The following INVS variants were observed in gnomAD, a reference collection of about 807,000 sequenced individuals.
The protein encoded by INVS is inversin.
In INVS, 86 loss-of-function variants were observed where a neutral mutation model predicts 108.8. The observed-to-expected ratio is 0.79, with a 90% confidence interval of 0.66 to 0.95. INVS has a LOEUF of 0.95. Ranked by LOEUF, INVS falls within the 40% of genes least tolerant of loss-of-function variation. INVS has a pLI of 0.00. For missense variants in INVS, 1,169 were observed against 1,297.4 expected, an observed-to-expected ratio of 0.90 and a Z score of 1.52; for synonymous variants, 455 against 473.5, an observed-to-expected ratio of 0.96 and a Z score of 0.51.
intron 3 of INVS, among the ~76,000 whole-genome samples, chr9:100,203,615 G>T (rs563745020): frequency 1.3e-5 from 2 of 148,464 alleles, no homozygotes; most frequent in South Asian, 4.2e-4. Flanking sequence ...CGATTCTCCT[G>T]CCTCAGCCTT....
At chr9:100,228,278 A>T (rs1831398660) in intron 4 of INVS, among the ~76,000 whole-genome samples, 2 of 152,238 alleles carry the variant, frequency 1.3e-5, no homozygotes, top group Admixed American at 1.3e-4. Flanking sequence ...GGCATGAGCC[A>T]CTGCGCCCAG....
intron 3 of INVS, among the ~76,000 whole-genome samples, chr9:100,180,731 A>G (rs999553825): frequency 2.6e-5 from 4 of 152,198 alleles, no homozygotes; most frequent in Admixed American, 1.3e-4. Context: ...TCCTTCTGAA[A>G]CCATTCCAAT....
At chr9:100,164,821 T>G (rs1405983722) in intron 3 of INVS, among the ~76,000 whole-genome samples, 1 of 152,098 alleles carries the variant, frequency 6.6e-6, no homozygotes, top group East Asian at 1.9e-4. Context: ...CTATATATTG[T>G]GATTGGCTGA....
intron 3 of INVS, among the ~76,000 whole-genome samples, chr9:100,131,056 A>G (rs1265042109): frequency 6.6e-6 from 1 of 152,084 alleles, no homozygotes; most frequent in African/African-American, 2.4e-5. Flanking sequence ...TCTTGGGTTC[A>G]TTAGTGGGAA....
At chr9:100,220,655 C>T (rs1831118806) in intron 3 of INVS, among the ~76,000 whole-genome samples, 1 of 152,166 alleles carries the variant, frequency 6.6e-6, no homozygotes, top group Admixed American at 6.5e-5. Context: ...ACAAACCGTC[C>T]TCCAAACAGG....
chr9:100,269,553 T>A lies in INVS; in HGVS notation c.1572-3311T>A, dbSNP rs75202444. On this transcript the variant is annotated intron_variant, in intron 11 of 16. Coordinates refer to ENST00000262457, the MANE Select transcript of INVS (RefSeq NM_014425.5). ...CCCAAACTCAGTTTCCTTACTAAAGTGATCAAAATACTCCTATAGTGAAAA... is the reference window on the plus strand; with the variant it reads ...CCCAAACTCAGTTTCCTTACTAAAGAGATCAAAATACTCCTATAGTGAAAA... Among the ~76,000 whole-genome samples the A allele has an allele frequency of 2.9e-3, 438 of 152,312 alleles. 2 individuals carry two copies. The highest frequency in any genetic ancestry group is 0.01 in the African/African-American group (418 of 41,566).
rs185319296 is a variant in INVS at position 100,284,675 on chromosome 9, C to T, written c.2068+72C>T. ...GCTTTTTTGATTGGTGTATTTAGAC[C>T]AATTACACTTAAGATAATTGTTATA... is the stretch of plus-strand genomic sequence containing the variant. On this transcript the variant is annotated intron_variant, in intron 13 of 16. Coordinates refer to ENST00000262457, the MANE Select transcript of INVS (RefSeq NM_014425.5). 5.4e-6 allele frequency: 8 copies of T among 1,473,090 alleles called. No individual in the cohort carries two copies. In the East Asian group the frequency reaches 1.6e-4, roughly 30 times the overall value. 91.3% of individuals were successfully genotyped at this position (1,473,090 alleles called of 1,614,324 possible).
intron 3 of INVS, among the ~76,000 whole-genome samples, chr9:100,180,588 G>C (rs969162696): frequency 6.6e-6 from 1 of 152,060 alleles, no homozygotes; most frequent in Non-Finnish European, 1.5e-5. Flanking sequence ...GGAAGAAGTC[G>C]AATCCCTGAA....
intron 3 of INVS, among the ~76,000 whole-genome samples, chr9:100,197,326 A>G (rs1830407921): frequency 6.6e-6 from 1 of 152,238 alleles, no homozygotes; most frequent in South Asian, 2.1e-4. Context: ...CAATCCCAGC[A>G]CTTTGGGAGG....
chr9:100,146,491 T>C (rs889339737), intron 3 of INVS, among the ~76,000 whole-genome samples: 2 of 152,194 alleles, frequency 1.3e-5, no homozygotes, highest in African/African-American at 4.8e-5. Context: ...ACAGGAGATA[T>C]GATGGCTTAG....
At chr9:100,157,410 G>A (rs56081149) in intron 3 of INVS, among the ~76,000 whole-genome samples, 8,693 of 151,540 alleles carry the variant, frequency 0.057, 348 homozygotes, top group Non-Finnish European at 0.087. Context: ...GACTACAGGC[G>A]CCTGCCACCA....
chr9:100,129,699 C>T (rs200369280), intron 3 of INVS: 4 of 714,330 alleles, frequency 5.6e-6, no homozygotes, highest in Admixed American at 2.0e-5. Context: ...TCAGCACAGG[C>T]AGGATCTAAG....
At chr9:100,196,363 G>A (rs2118195582) in intron 3 of INVS, among the ~76,000 whole-genome samples, 1 of 152,258 alleles carries the variant, frequency 6.6e-6, no homozygotes, top group South Asian at 2.1e-4. Flanking sequence ...TCTGGTGGGA[G>A]TTTCTGATAA....
At chr9:100,288,323 C>T (rs1833507566) in intron 13 of INVS, among the ~76,000 whole-genome samples, 1 of 152,166 alleles carries the variant, frequency 6.6e-6, no homozygotes, top group Non-Finnish European at 1.5e-5. Context: ...CTATAGGATA[C>T]TGGGGCCCCA....
chr9:100,174,642 G>T (rs1456468982), intron 3 of INVS, among the ~76,000 whole-genome samples: 2 of 152,136 alleles, frequency 1.3e-5, no homozygotes, highest in Non-Finnish European at 2.9e-5. Context: ...GGCCAGGCAT[G>T]GTAGCTCATG....
intron 1 of INVS, among the ~76,000 whole-genome samples, 181 bp from the exon 2 acceptor site, chr9:100,104,317 G>A (rs776820090): frequency 1.3e-5 from 2 of 152,080 alleles, no homozygotes; most frequent in Non-Finnish European, 2.9e-5. Flanking sequence ...CTCCTGCGTT[G>A]GCCTTCCAAA....
At chr9:100,125,127 G>T (rs908224696) in intron 2 of INVS, among the ~76,000 whole-genome samples, 3 of 152,252 alleles carry the variant, frequency 2.0e-5, no homozygotes, top group Non-Finnish European at 4.4e-5. Context: ...CCAATTTAAA[G>T]AATTACTTCC....
chr9:100,128,527 A>C (rs914903048), intron 3 of INVS, among the ~76,000 whole-genome samples: 2 of 152,230 alleles, frequency 1.3e-5, no homozygotes, highest in African/African-American at 4.8e-5. Flanking sequence ...AAGCACCAGC[A>C]TTCAGAGATG....
intron 3 of INVS, among the ~76,000 whole-genome samples, chr9:100,143,606 G>A (rs1247795507): frequency 6.6e-6 from 1 of 152,058 alleles, no homozygotes; most frequent in Admixed American, 6.6e-5. Context: ...GCAGCGATGA[G>A]GTGTGGCTGT....
Sources: gnomAD v4.1 joint callset for allele counts (sites outside exome capture counted in the v4.1 genomes callset) on GRCh38, gnomAD v4.1.1 for gene constraint, MANE v1.5 for transcripts, NCBI Gene and HGNC (gene_info 2026-07-23, HGNC 2026-07-21) for gene names.